Variants in SETD1A observed in about 807,000 individuals in gnomAD.
SETD1A encodes the protein histone-lysine N-methyltransferase SETD1A.
SETD1A carries 29 observed loss-of-function variants against 149.9 expected under a neutral mutation model. The ratio of observed to expected loss-of-function variants is 0.19; its 90% CI spans 0.14 to 0.26. SETD1A has a LOEUF of 0.26. Among genes scored for constraint, SETD1A ranks in the 10% least tolerant of loss-of-function variants. The pLI, the probability that SETD1A is intolerant of heterozygous loss-of-function variation, is 1.00. For synonymous variants in SETD1A, 1,141 were observed against 968.5 expected (o/e 1.18, Z -3.31); for missense variants, 2,109 against 2,353.1 (o/e 0.90, Z 2.15).
chr16:30,963,657 CAAAG>C (rs893818443), intron 5 of SETD1A, 103 bp downstream of exon 5: 29 of 1,275,972 alleles, frequency 2.3e-5, no homozygotes, highest in Non-Finnish European at 2.9e-5. Flanking sequence ...TCCCGTTAAA[CAAAG>C]AAGAGCCAAG....
intron 2 of SETD1A, 47 bp from the exon 3 acceptor site, chr16:30,959,044 C>T (rs748879700): frequency 4.0e-6 from 6 of 1,505,476 alleles, no homozygotes; most frequent in Non-Finnish European, 5.5e-6. Context: ...AGCTCCCTAG[C>T]CTGGATTCAC....
At chr16:30,967,822 C>T (rs1249310410) in intron 10 of SETD1A, among the ~76,000 whole-genome samples, 1 of 152,128 alleles carries the variant, frequency 6.6e-6, no homozygotes, top group Non-Finnish European at 1.5e-5. Context: ...TTGGGTTTTT[C>T]CATCCATGAA....
In SETD1A at chr16:30,963,580, C is replaced by T. The variant is rs371603328; in HGVS notation, c.639+26C>T. The T allele has an allele frequency of 6.9e-5, 111 of 1,603,238 alleles. 1 individual carries two copies. Among genetic ancestry groups the T allele is most frequent in the Non-Finnish European group, 7.9e-5 (93 of 1,174,844 alleles). On this transcript the variant is annotated intron_variant, in intron 5 of 18. Coordinates refer to ENST00000262519, the MANE Select transcript of SETD1A (RefSeq NM_014712.3). ...GTGAGAAGTTTGTGGCTACCACAGCCCCTAGCCATGTGGGCATGGTGTCCG... is the reference window on the plus strand; with the variant it reads ...GTGAGAAGTTTGTGGCTACCACAGCTCCTAGCCATGTGGGCATGGTGTCCG...
In SETD1A at chr16:30,979,534, G is replaced by A. The variant is rs752866387; in HGVS notation, c.3748G>A (p.Glu1250Lys). The A allele has an allele frequency of 1.9e-6, 3 of 1,608,530 alleles. No individual in the cohort carries two copies. The highest frequency in any genetic ancestry group is 2.5e-6 in the Non-Finnish European group (3 of 1,178,598). ...TEEEEAEPGT[E>K]VDLAVLADLA... ...GGAAGAGGAGGCTGAGCCAGGGACA[G>A]AGGTGGACCTGGCGGTCCTGGCCGA... The change falls in exon 14 of 19, where the codon GAG becomes AAG. Residue 1250 changes from glutamate to lysine, a missense_variant. By Grantham distance (56) the Glu-to-Lys change is moderately conservative. Around this residue, in one of 8 missense-constraint regions of SETD1A, gnomAD observed 832 missense variants for 815.6 expected, o/e 1.02. Coordinates refer to ENST00000262519, the MANE Select transcript of SETD1A (RefSeq NM_014712.3).
intron 4 of SETD1A, among the ~76,000 whole-genome samples, chr16:30,962,454 T>A (rs2056066708): frequency 6.6e-6 from 1 of 152,046 alleles, no homozygotes; most frequent in Admixed American, 6.6e-5. Flanking sequence ...GGTTTTTAGG[T>A]TTGGAAATTT....
chr16:30,978,510 C>T (rs976608084), intron 13 of SETD1A, among the ~76,000 whole-genome samples: 2 of 152,120 alleles, frequency 1.3e-5, no homozygotes, highest in Non-Finnish European at 2.9e-5. Flanking sequence ...CCCAGCCACC[C>T]GCATCCTGGG....
Position 30,969,668 on chromosome 16 carries a change from A to G in SETD1A, c.2995A>G (p.Lys999Glu), listed in dbSNP as rs771908074. The G allele has an allele frequency of 1.2e-6, 2 of 1,614,090 alleles. No individual in the cohort carries two copies. Among genetic ancestry groups the G allele is most frequent in the Admixed American group, 1.7e-5 (1 of 60,034 alleles). ...AGAGGAAGCTGTGGATACCACAAAG[A>G]AGGAGACAGAGGTGTCGGATGGTGA... ...DREEAVDTTK[K>E]ETEVSDGEDE... is the part of the protein sequence containing the mutation. The change falls in exon 12 of 19, where the codon AAG (lysine) becomes GAG (glutamate). Residue 999 changes from lysine to glutamate, a missense_variant. This residue lies in a region of SETD1A where 832 missense variants were observed against 815.6 expected (regional missense o/e 1.02). Transcript: ENST00000262519.
rs767458189 is a variant in SETD1A, at chr16:30,963,511, C to T, written c.596C>T (p.Ala199Val). ...TPQTVPTGGKALSEKFQGSGA... is the reference protein window; with the variant it reads ...TPQTVPTGGKVLSEKFQGSGA... ...CAGACTGTGCCCACTGGGGGCAAGG[C>T]CCTGAGTGAGAAGTTCCAAGGCTCG... The change falls in exon 5 of 19, where the codon GCC becomes GTC. Residue 199 changes from alanine to valine, a missense_variant. Coordinates refer to ENST00000262519, the MANE Select transcript of SETD1A (RefSeq NM_014712.3). The T allele has an allele frequency of 6.2e-6, 10 of 1,613,586 alleles. No homozygotes were observed. The highest frequency in any genetic ancestry group is 8.5e-6 in the Non-Finnish European group (10 of 1,179,700).
intron 13 of SETD1A, among the ~76,000 whole-genome samples, chr16:30,977,211 T>G (rs924262553): frequency 6.6e-6 from 1 of 152,222 alleles, no homozygotes; most frequent in Non-Finnish European, 1.5e-5. Context: ...CCCAAAGTGC[T>G]GGGATTACAG....
At position 30,961,353 on chromosome 16, in the gene SETD1A, G is replaced by A. The variant is rs779377823; in HGVS notation, c.333G>A (p.Lys111=). 6.2e-6 allele frequency: 10 copies of A among 1,614,194 alleles called. No individual in the cohort carries two copies. In the Admixed American group the frequency reaches 6.7e-5, roughly 11 times the overall value. The change falls in exon 4 of 19, where the codon AAG becomes AAA. Residue 111 remains lysine, a synonymous_variant. Coordinates refer to ENST00000262519, the MANE Select transcript of SETD1A (RefSeq NM_014712.3). The surrounding 1 kb of genome is among the most constrained non-coding windows in gnomAD (Gnocchi z 4.0). ...LNDNVRETFL[K]DMCRKYGEVE... The stretch of plus-strand genomic sequence containing the variant: ...ACAACGTGCGGGAGACCTTCCTGAA[G>A]GATATGTGCCGTAAGTACGGTGAGG...
Position 30,980,667 on chromosome 16 carries a change from A to AC in SETD1A, c.4581+14dup, listed in dbSNP as rs142988704. 6.2e-7 allele frequency: 1 copy of AC among 1,606,006 alleles called. No individual in the cohort carries two copies. Among genetic ancestry groups the AC allele is most frequent in the Non-Finnish European group, 8.5e-7 (1 of 1,177,724 alleles). Reference sequence around the variant, plus strand: ...GGGCGTGGACACTCAGGTGGGCCTAACCCCGCCGCCGCGTCCTCCTGCCAC... The same window carrying AC: ...GGGCGTGGACACTCAGGTGGGCCTAACCCCCGCCGCCGCGTCCTCCTGCCAC... On this transcript the variant is annotated intron_variant, in intron 15 of 18. Coordinates refer to ENST00000262519, the MANE Select transcript of SETD1A (RefSeq NM_014712.3). The surrounding 1 kb of genome is among the most constrained non-coding windows in gnomAD (Gnocchi z 7.7).
rs1210125489 is a variant in SETD1A at position 30,963,658 on chromosome 16, AAAG to A, written c.639+109_639+111del. The A allele has an allele frequency of 1.1e-5, 14 of 1,285,294 alleles. No individual in the cohort carries two copies. The East Asian group carries it at 3.1e-4, about 28-fold the overall frequency. The allele number at this position is 1,285,294 out of a possible 1,614,324, so 79.6% of individuals were successfully genotyped here. A position where few individuals can be genotyped will look rare whatever the true frequency, so the allele number is the denominator to read the frequency against. On this transcript the variant is annotated intron_variant, in intron 5 of 18. Coordinates refer to ENST00000262519, the MANE Select transcript of SETD1A (RefSeq NM_014712.3). ...GAGGTTCCGGGCTTTCCCGTTAAAC[AAAG>A]AAGAGCCAAGCAAAGCTGCTGAGAT...
Position 30,959,151 on chromosome 16 carries a change from A to G in SETD1A, c.211A>G (p.Asn71Asp), listed in dbSNP as rs1187416676. ...CCCCCGTTGCCATGTCAGGTCCAAAAACAGAGACTTTTCCCTCCCAGTCCC... is the reference window on the plus strand; with the variant it reads ...CCCCCGTTGCCATGTCAGGTCCAAAGACAGAGACTTTTCCCTCCCAGTCCC... ...QDPRCHVRSK[N>D]RDFSLPVPKF... is the part of the protein sequence containing the mutation. The change falls in exon 3 of 19, where the codon AAC becomes GAC. Residue 71 changes from asparagine (N) to aspartate (D), a missense_variant. This residue lies in a region of SETD1A where 75 missense variants were observed against 95.3 expected (regional missense o/e 0.79). Transcript: ENST00000262519. The G allele has an allele frequency of 6.2e-7, 1 of 1,613,674 alleles. No homozygotes were observed. Among genetic ancestry groups the G allele is most frequent in the East Asian group, 2.2e-5 (1 of 44,882 alleles).
intron 1 of SETD1A, chr16:30,958,276 T>C (rs1340279516): frequency 1.5e-5 from 2 of 131,876 alleles, no homozygotes; most frequent in Non-Finnish European, 3.2e-5. Context: ...GGTCTCGCGG[T>C]GTTTCCAACG....
intron 17 of SETD1A, among the ~76,000 whole-genome samples, chr16:30,981,609 G>A (rs1241628721): frequency 1.3e-5 from 2 of 152,174 alleles, no homozygotes; most frequent in African/African-American, 4.8e-5. Flanking sequence ...TCCTGATCTT[G>A]TGTTCTGCCT....
Position 30,979,281 on chromosome 16 carries a change from G to T in SETD1A, c.3495G>T (p.Arg1165=), listed in dbSNP as rs1193588205. The T allele has an allele frequency of 1.2e-6, 2 of 1,613,240 alleles. No individual in the cohort carries two copies. The highest frequency in any genetic ancestry group is 2.7e-5 in the African/African-American group (2 of 74,794). ...IPLLPPPKKR[R]KTVSFSAIEV... ...TCCTGCCCCCACCCAAGAAACGCCG[G>T]AAAACTGTCTCCTTCTCTGCCATCG... Residue 1165 remains arginine, a synonymous_variant, in exon 14 of 19, where the codon CGG becomes CGT. Transcript: ENST00000262519.
At chr16:30,975,428 C>CTT (rs1335608657) in intron 13 of SETD1A, among the ~76,000 whole-genome samples, 131 of 136,382 alleles carry the variant, frequency 9.6e-4, no homozygotes, top group East Asian at 2.6e-3. Context: ...CAACCTCTCC[C>CTT]TTTTTTTTTT....
Position 30,981,108 on chromosome 16 carries a change from G to T in SETD1A, c.4740G>T (p.Trp1580Cys). The T allele has an allele frequency of 6.2e-7, 1 of 1,614,230 alleles. No individual in the cohort carries two copies. Among genetic ancestry groups the T allele is most frequent in the East Asian group, 2.2e-5 (1 of 44,880 alleles). Reference sequence around the variant, plus strand: ...TTGGCCGGAGCCGGATCCACGAGTGGGGTCTGTTTGCCATGGAACCCATTG... The same window carrying T: ...TTGGCCGGAGCCGGATCCACGAGTGTGGTCTGTTTGCCATGGAACCCATTG... ...LRFGRSRIHE[W>C]GLFAMEPIAA... The change falls in exon 17 of 19, where the codon TGG becomes TGT. Residue 1580 changes from tryptophan to cysteine, a missense_variant. By Grantham distance (215) the Trp-to-Cys change is radical (BLOSUM62 -2). This residue lies in a region of SETD1A where 254 missense variants were observed against 409.3 expected (regional missense o/e 0.62). Coordinates refer to ENST00000262519, the MANE Select transcript of SETD1A (RefSeq NM_014712.3).
At position 30,970,190 on chromosome 16, in the gene SETD1A, A is replaced by T. The variant is rs2056207480; in HGVS notation, c.3016+501A>T. ...CACTATGTTGGCCAGACTGGTCTTG[A>T]ACTCCTGAGCTCAGGCGATCCACCC... On this transcript the variant is annotated intron_variant, in intron 12 of 18. Transcript: ENST00000262519. Among the ~76,000 whole-genome samples, 2 of 151,004 alleles carry T rather than the reference A, an allele frequency of 1.3e-5. 1 individual carries two copies. Among genetic ancestry groups the T allele is most frequent in the Admixed American group, 1.3e-4 (2 of 15,102 alleles).
Sources: gnomAD v4.1 joint callset for allele counts (sites outside exome capture counted in the v4.1 genomes callset) on GRCh38, gnomAD v4.1.1 for gene constraint, gnomAD v4.1.1 regional missense constraint, Gnocchi (gnomAD v3.1) non-coding constraint, MANE v1.5 for transcripts, NCBI Gene and HGNC (gene_info 2026-07-23, HGNC 2026-07-21) for gene names.